Variants in SHISA9 observed in about 807,000 individuals in gnomAD.
SHISA9 encodes the protein shisa family member 9.
In SHISA9, 13 loss-of-function variants were observed where a neutral mutation model predicts 38.0. The observed-to-expected ratio is 0.34, with a 90% CI of 0.22 to 0.54. The LOEUF is 0.54. Among genes scored for constraint, SHISA9 ranks in the 20% least tolerant of loss-of-function variants. SHISA9 has a pLI of 0.91. For synonymous variants in SHISA9, 275 were observed against 242.0 expected (o/e 1.14, Z -1.27); for missense variants, 538 against 575.8 (o/e 0.93, Z 0.67).
Position 12,916,805 on chromosome 16 carries a change from A to G in SHISA9, c.681A>G (p.Ile227Met). 6.4e-7 allele frequency: 1 copy of G among 1,551,702 alleles called. No individual in the cohort carries two copies. Among genetic ancestry groups the G allele is most frequent in the East Asian group, 2.4e-5 (1 of 40,920 alleles). The change falls in exon 2 of 5, where the codon ATA becomes ATG. Residue 227 changes from isoleucine to methionine, a missense_variant. Ile to Met is a conservative substitution (Grantham distance 10). Coordinates refer to ENST00000558583, the MANE Select transcript of SHISA9 (RefSeq NM_001145204.3). The part of the protein sequence containing the change: ...HYENMDTRTP[I>M]NNLHATQMNN... ...AGAACATGGACACGAGAACCCCCAT[A>G]AATAATCTTCGTAAGTACAGCTGCA...
chr16:13,307,556 G>A, the SHISA9 span, among the ~76,000 whole-genome samples: 1 of 152,260 alleles, frequency 6.6e-6, no homozygotes, highest in East Asian at 1.9e-4. Flanking sequence ...ATGACTAATT[G>A]GTTGTCCATT....
chr16:13,323,210 G>A, the SHISA9 span, among the ~76,000 whole-genome samples: 1 of 152,166 alleles, frequency 6.6e-6, no homozygotes, highest in Non-Finnish European at 1.5e-5. Context: ...GTGAATGCTG[G>A]TGCTCCTTAT....
chr16:13,085,358 G>T (rs2073699108), intron 2 of SHISA9, among the ~76,000 whole-genome samples: 1 of 151,892 alleles, frequency 6.6e-6, no homozygotes, highest in Non-Finnish European at 1.5e-5. Context: ...AAAAAAAAAG[G>T]AAGAGCTCCA....
chr16:13,099,318 T>G (rs187694299), intron 2 of SHISA9, among the ~76,000 whole-genome samples: 1 of 152,158 alleles, frequency 6.6e-6, no homozygotes, highest in African/African-American at 2.4e-5. Context: ...GATGGGACTT[T>G]CCTGGAGCAG....
intron 4 of SHISA9, among the ~76,000 whole-genome samples, chr16:13,214,312 C>T (rs1429496369): frequency 2.0e-5 from 3 of 152,328 alleles, no homozygotes; most frequent in East Asian, 3.9e-4. Flanking sequence ...AGGGATTCTC[C>T]TGCTTCAGCC....
At chr16:13,480,476 C>T in the SHISA9 span, among the ~76,000 whole-genome samples, 3 of 152,170 alleles carry the variant, frequency 2.0e-5, no homozygotes, top group Admixed American at 2.0e-4. Context: ...ACTGTGTCAG[C>T]GTGCACCTTG....
chr16:13,216,184 C>CAAAA (rs929173872), intron 4 of SHISA9, among the ~76,000 whole-genome samples: 2 of 113,040 alleles, frequency 1.8e-5, no homozygotes, highest in Non-Finnish European at 3.7e-5. Context: ...GAGACTCTGT[C>CAAAA]AAAAAAAAAA....
At chr16:13,460,361 C>T in the SHISA9 span, among the ~76,000 whole-genome samples, 1 of 152,116 alleles carries the variant, frequency 6.6e-6, no homozygotes, top group Non-Finnish European at 1.5e-5. Context: ...TTACTGTGTG[C>T]TGGAAACTTT....
chr16:13,093,206 G>C (rs2073793040), intron 2 of SHISA9, among the ~76,000 whole-genome samples: 1 of 152,096 alleles, frequency 6.6e-6, no homozygotes, highest in African/African-American at 2.4e-5. Flanking sequence ...TTGGCCCAGG[G>C]CTTTACTTCA....
At chr16:13,262,674 G>A in the SHISA9 span, among the ~76,000 whole-genome samples, 13,671 of 43,746 alleles carry the variant, frequency 0.31, 1,132 homozygotes, top group Middle Eastern at 0.44. Context: ...GGAAGGAAGG[G>A]AGGGAGGAAG....
chr16:12,911,723 TGAGAAGCTTTTGAA>T (rs2071186552), intron 1 of SHISA9: 1 of 152,222 alleles, frequency 6.6e-6, no homozygotes, highest in Non-Finnish European at 1.5e-5. Flanking sequence ...TTTACCCTTG[TGAGAAGCTTTTGAA>T]GAGAAGGGAG....
chr16:12,983,017 G>T (rs1022089772), intron 2 of SHISA9, among the ~76,000 whole-genome samples: 3 of 152,184 alleles, frequency 2.0e-5, no homozygotes, highest in African/African-American at 7.2e-5. Flanking sequence ...CTCTTGTGAG[G>T]TGGTATTGGG....
At chr16:13,072,720 G>GCACGATCT (rs1405978463) in intron 2 of SHISA9, among the ~76,000 whole-genome samples, 8 of 151,790 alleles carry the variant, frequency 5.3e-5, no homozygotes, top group African/African-American at 1.9e-4. Flanking sequence ...GAGTGCAGTG[G>GCACGATCT]CACGATCTCA....
intron 3 of SHISA9, 132 bp downstream of exon 3, chr16:13,203,681 T>C: frequency 1.0e-6 from 1 of 973,032 alleles, no homozygotes; most frequent in Non-Finnish European, 1.4e-6. Context: ...CTTTCTGCTT[T>C]TCTCTGCCTC....
rs16961279 is a variant in SHISA9 at position 13,173,798 on chromosome 16, A to G, written c.692-29596A>G. Among the ~76,000 whole-genome samples the G allele has an allele frequency of 3.9e-4, 60 of 152,306 alleles. No homozygotes were observed. In the East Asian group the frequency reaches 0.011, roughly 27 times the overall value. On this transcript the variant is annotated intron_variant, in intron 2 of 4. Transcript: ENST00000558583. ...CGGCAATTACAACAGAGTCAGGTCAATGTATTCTAAGCCAGAGGAAGTTCA... is the reference window on the plus strand; with the variant it reads ...CGGCAATTACAACAGAGTCAGGTCAGTGTATTCTAAGCCAGAGGAAGTTCA...
the SHISA9 span, among the ~76,000 whole-genome samples, chr16:13,348,363 A>T: frequency 3.3e-5 from 5 of 151,996 alleles, no homozygotes; most frequent in African/African-American, 1.2e-4. Flanking sequence ...CAAATTTTGG[A>T]TTTTTTTGAT....
At chr16:13,219,996 C>T (rs118002447) in intron 4 of SHISA9, among the ~76,000 whole-genome samples, 2,929 of 152,174 alleles carry the variant, frequency 0.019, 45 homozygotes, top group Non-Finnish European at 0.03. Flanking sequence ...ATGCATCTCA[C>T]CTGAAAATTG....
chr16:13,363,159 G>A, the SHISA9 span, among the ~76,000 whole-genome samples: 2 of 152,284 alleles, frequency 1.3e-5, no homozygotes, highest in South Asian at 2.1e-4. Flanking sequence ...GGGTAAACAA[G>A]CATTGAAAAC....
chr16:13,393,151 T>C, the SHISA9 span, among the ~76,000 whole-genome samples: 1 of 152,202 alleles, frequency 6.6e-6, no homozygotes, highest in Non-Finnish European at 1.5e-5. Flanking sequence ...ATCACACAGA[T>C]GTTTGCTCCT....
Sources: allele counts gnomAD v4.1 joint callset (sites outside exome capture counted in the v4.1 genomes callset), GRCh38; gene constraint gnomAD v4.1.1; transcripts MANE v1.5; gene names NCBI Gene and HGNC (gene_info 2026-07-23, HGNC 2026-07-21).